The following NR0B1 variants were observed in gnomAD, a reference collection of about 807,000 sequenced individuals.
NR0B1 encodes nuclear receptor subfamily 0 group B member 1.
In NR0B1, 3 loss-of-function variants were observed where a neutral mutation model predicts 23.0. That is an observed-to-expected ratio of 0.13 (90% confidence interval 0.06 to 0.34). The LOEUF is 0.34. NR0B1 is among the 10% of genes least tolerant of loss of function. The pLI is 1.00. For synonymous variants in NR0B1, 205 were observed against 184.0 expected, an observed-to-expected ratio of 1.11 and a Z score of -0.92; for missense variants, 350 against 402.9, an observed-to-expected ratio of 0.87 and a Z score of 1.12.
At chrX:30,307,843 C>CT (rs1204178251) in intron 1 of NR0B1, among the ~76,000 whole-genome samples, 1 of 112,294 alleles carries the variant, frequency 8.9e-6, no homozygotes, top group African/African-American at 3.2e-5. Flanking sequence ...TGAGCAAAAA[C>CT]TTTTTTTAGA....
intron 1 of NR0B1, chrX:30,305,883 A>C: frequency 2.3e-6 from 1 of 435,782 alleles, no homozygotes; most frequent in Non-Finnish European, 4.0e-6. Context: ...AAAGTATTTT[A>C]AAAGCACCAT....
chrX:30,307,568 T>C (rs186913948), intron 1 of NR0B1, among the ~76,000 whole-genome samples: 69 of 111,731 alleles, frequency 6.2e-4, no homozygotes, highest in African/African-American at 2.1e-3. Context: ...CTTTTTTCCC[T>C]ATCCCTTTGC....
chrX:30,308,424 G>C lies in NR0B1; in HGVS notation c.940C>G (p.Pro314Ala), dbSNP rs748693035. 8.3e-7 allele frequency: 1 copy of C among 1,201,895 alleles called. No individual in the cohort carries two copies. The highest frequency in any genetic ancestry group is 1.8e-5 in the South Asian group (1 of 55,898). Residue 314 changes from proline (P) to alanine (A), a missense_variant, in exon 1 of 2, where the codon CCC (proline) becomes GCC (alanine). This residue lies in a region of NR0B1 where 298 missense variants were observed against 314.0 expected (regional missense o/e 0.95). Transcript: ENST00000378970. The part of the protein sequence containing the change: ...LQFETVEVSE[P>A]SMLQKILTTR... ...GTGAGGATCTTCTGCAGCATGCTGG[G>C]CTCCGAGACTTCCACAGTCTCGAAC...
In NR0B1 at chrX:30,304,497, T is replaced by C. The variant is rs1926484229; in HGVS notation, c.*82A>G. The C allele has an allele frequency of 2.9e-6, 3 of 1,032,081 alleles. No individual in the cohort carries two copies. Among genetic ancestry groups the C allele is most frequent in the Non-Finnish European group, 4.0e-6 (3 of 742,097 alleles). The allele number at this position is 1,032,081 out of a possible 1,213,427, so 85.1% of individuals were successfully genotyped here. The stretch of plus-strand genomic sequence containing the variant: ...AATATTAAGAAAGTTTATTTTAAAA[T>C]ATTTTACACTCTTTTGCCCACAGCT... On this transcript the variant is annotated 3_prime_UTR_variant, in exon 2 of 2. Transcript: ENST00000378970.
intron 1 of NR0B1, chrX:30,305,799 T>C (rs3788891): frequency 6.4e-6 from 3 of 471,478 alleles, no homozygotes; most frequent in Non-Finnish European, 1.1e-5. Flanking sequence ...AATTAGCAGT[T>C]GACCACTTGG....
chrX:30,308,864 G>A lies in NR0B1; in HGVS notation c.500C>T (p.Pro167Leu). The A allele has an allele frequency of 2.6e-6, 3 of 1,174,826 alleles. No individual in the cohort carries two copies. Among genetic ancestry groups the A allele is most frequent in the Non-Finnish European group, 3.4e-6 (3 of 876,882 alleles). ...HVAPAAPEAR[P>L]GGAWWDRSYF... ...GGAGCGGTCCCACCACGCGCCCCCT[G>A]GCCGTGCCTCGGGCGCTGCCGGAGC... Residue 167 changes from proline (P) to leucine (L), a missense_variant, in exon 1 of 2, where the codon CCA (proline) becomes CTA (leucine). Around this residue, in one of 2 missense-constraint regions of NR0B1, gnomAD observed 298 missense variants for 314.0 expected, o/e 0.95. Coordinates refer to ENST00000378970, the MANE Select transcript of NR0B1 (RefSeq NM_000475.5).
intron 1 of NR0B1, among the ~76,000 whole-genome samples, chrX:30,306,859 T>C (rs1006568894): frequency 9.0e-6 from 1 of 111,415 alleles, no homozygotes; most frequent in African/African-American, 3.3e-5. Context: ...AATCAGAATA[T>C]ATAAGGCAGG....
rs193205940 is a variant in NR0B1 at position 30,308,988 on chromosome X, C to T, written c.376G>A (p.Val126Met). Reference protein sequence around the residue: ...GRAGLPGGRPVALLYRCCFCG... With the variant: ...GRAGLPGGRPMALLYRCCFCG... ...AAGCAGCAGCGGTACAGGAGTGCCA[C>T]GGGCCGCCCACCCGGAAGCCCCGCT... Residue 126 changes from valine (V) to methionine (M), a missense_variant, in exon 1 of 2, where the codon GTG becomes ATG. Physicochemically the swap from Val to Met is conservative, Grantham distance 21. Around this residue, in one of 2 missense-constraint regions of NR0B1, gnomAD observed 298 missense variants for 314.0 expected, o/e 0.95. Coordinates refer to ENST00000378970, the MANE Select transcript of NR0B1 (RefSeq NM_000475.5). 9.3e-4 allele frequency: 1,123 copies of T among 1,208,542 alleles called. 12 individuals carry two copies. The East Asian group carries it at 0.03, about 32-fold the overall frequency.
intron 1 of NR0B1, among the ~76,000 whole-genome samples, chrX:30,307,227 G>T (rs1382298912): frequency 8.9e-6 from 1 of 112,076 alleles, no homozygotes. Flanking sequence ...GGTTGAAGAT[G>T]ATTCTAATAG....
At position 30,308,294 on chromosome X, in the gene NR0B1, T is replaced by C; in HGVS notation, c.1070A>G (p.Gln357Arg). 8.3e-7 allele frequency: 1 copy of C among 1,211,063 alleles called. No individual in the cohort carries two copies. ...AEARKVPSASQVQAIKCFLSK... is the reference protein window; with the variant it reads ...AEARKVPSASRVQAIKCFLSK... ...AAGAAAGCACTTGATGGCTTGGACCTGGGAGGCGGAGGGCACCTTCCTGGC... is the reference window on the plus strand; with the variant it reads ...AAGAAAGCACTTGATGGCTTGGACCCGGGAGGCGGAGGGCACCTTCCTGGC... The change falls in exon 1 of 2, where the codon CAG (glutamine) becomes CGG (arginine). Residue 357 changes from glutamine to arginine, a missense_variant. Physicochemically the swap from Gln to Arg is conservative, Grantham distance 43. This residue lies in a region of NR0B1 where 298 missense variants were observed against 314.0 expected (regional missense o/e 0.95). Coordinates refer to ENST00000378970, the MANE Select transcript of NR0B1 (RefSeq NM_000475.5).
Position 30,308,454 on chromosome X carries a change from A to G in NR0B1, c.910T>C (p.Leu304=), listed in dbSNP as rs1280522288. The change falls in exon 1 of 2, where the codon TTG becomes CTG. Residue 304 remains leucine, a synonymous_variant. Transcript: ENST00000378970. ...GAGACTTCCACAGTCTCGAACTGCAAGCGGTCCTGGGCCAGCTCAAGCATG... is the reference window on the plus strand; with the variant it reads ...GAGACTTCCACAGTCTCGAACTGCAGGCGGTCCTGGGCCAGCTCAAGCATG... ...LLMLELAQDR[L]QFETVEVSEP... 8.3e-7 allele frequency: 1 copy of G among 1,200,637 alleles called. No individual in the cohort carries two copies.
rs755449270 is a variant in NR0B1 at position 30,304,632 on chromosome X, C to T, written c.1360G>A (p.Gly454Ser). The T allele has an allele frequency of 5.0e-6, 6 of 1,207,827 alleles. No individual in the cohort carries two copies. Among genetic ancestry groups the T allele is most frequent in the Admixed American group, 2.2e-5 (1 of 45,647 alleles). ...ATCATATCATCCATGCTGACTGTGCCGATGATGGGCCTGAAGAACAGTTCA... is the reference window on the plus strand; with the variant it reads ...ATCATATCATCCATGCTGACTGTGCTGATGATGGGCCTGAAGAACAGTTCA... Reference protein sequence around the residue: ...IAELFFRPIIGTVSMDDMMLE... With the variant: ...IAELFFRPIISTVSMDDMMLE... The change falls in exon 2 of 2, where the codon GGC becomes AGC. Residue 454 changes from glycine to serine, a missense_variant. Coordinates refer to ENST00000378970, the MANE Select transcript of NR0B1 (RefSeq NM_000475.5).
Position 30,308,883 on chromosome X carries a change from C to A in NR0B1, c.481G>T (p.Ala161Ser), listed in dbSNP as rs1169064659. Residue 161 changes from alanine to serine, a missense_variant, in exon 1 of 2, where the codon GCA becomes TCA. By Grantham distance (99) the Ala-to-Ser change is moderately conservative (BLOSUM62 1). This residue lies in a region of NR0B1 where 298 missense variants were observed against 314.0 expected (regional missense o/e 0.95). Coordinates refer to ENST00000378970, the MANE Select transcript of NR0B1 (RefSeq NM_000475.5). The stretch of plus-strand genomic sequence containing the variant: ...CCCCCTGGCCGTGCCTCGGGCGCTG[C>A]CGGAGCCACGTGCGTTTGCTTTGAG... ...TSSKQTHVAP[A>S]APEARPGGAW... 2 of 1,175,130 alleles carry A rather than the reference C, an allele frequency of 1.7e-6. No individual in the cohort carries two copies. Among genetic ancestry groups the A allele is most frequent in the South Asian group, 3.7e-5 (2 of 53,698 alleles).
intron 1 of NR0B1, among the ~76,000 whole-genome samples, chrX:30,307,675 C>A (rs1476134388): frequency 9.0e-6 from 1 of 111,336 alleles, no homozygotes; most frequent in African/African-American, 3.3e-5. Context: ...TGAAACACTA[C>A]ATCTAGTGTC....
At chrX:30,306,835 G>A (rs2147005472) in intron 1 of NR0B1, among the ~76,000 whole-genome samples, 1 of 110,942 alleles carries the variant, frequency 9.0e-6, no homozygotes, top group African/African-American at 3.3e-5. Flanking sequence ...GCAGACCCTG[G>A]GCCAGAGCTA....
intron 1 of NR0B1, chrX:30,305,585 C>T: frequency 4.0e-6 from 1 of 248,108 alleles, no homozygotes; most frequent in Non-Finnish European, 7.1e-6. Flanking sequence ...TACCATGATT[C>T]AAGAATAACT....
chrX:30,306,268 T>C (rs1926514989), intron 1 of NR0B1, among the ~76,000 whole-genome samples: 1 of 111,284 alleles, frequency 9.0e-6, no homozygotes, highest in Non-Finnish European at 1.9e-5. Context: ...CCCCTCCACC[T>C]TCTCCCCACC....
At chrX:30,306,869 G>A (rs1191722816) in intron 1 of NR0B1, among the ~76,000 whole-genome samples, 3 of 111,183 alleles carry the variant, frequency 2.7e-5, no homozygotes, top group Non-Finnish European at 5.7e-5. Context: ...TATAAGGCAG[G>A]AGCCTAGAAA....
At position 30,304,684 on chromosome X, in the gene NR0B1, C is replaced by T. The variant is rs2147004349; in HGVS notation, c.1308G>A (p.Leu436=). 8.3e-7 allele frequency: 1 copy of T among 1,211,116 alleles called. No individual in the cohort carries two copies. The highest frequency in any genetic ancestry group is 1.8e-5 in the South Asian group (1 of 56,931). ...CAATGACATTGGCATTGATGAATCT[C>T]AGCAGGAAAAGGGTACTATTAAGTT... ...FIELNSTLFL[L]RFINANVIAE... The change falls in exon 2 of 2, where the codon CTG becomes CTA. Residue 436 remains leucine, a synonymous_variant. Coordinates refer to ENST00000378970, the MANE Select transcript of NR0B1 (RefSeq NM_000475.5).
Sources: allele counts gnomAD v4.1 joint callset (sites outside exome capture counted in the v4.1 genomes callset), GRCh38; gene constraint gnomAD v4.1.1; regional missense constraint gnomAD v4.1.1; transcripts MANE v1.5; gene names NCBI Gene and HGNC (gene_info 2026-07-23, HGNC 2026-07-21).